CNTN4: variants seen among roughly 807,000 people sequenced by gnomAD.
CNTN4 encodes contactin-4.
CNTN4 carries 77 observed loss-of-function variants against 122.5 expected under a neutral mutation model. That is an observed-to-expected ratio of 0.63 (90% CI 0.52 to 0.76). The LOEUF is 0.76. Among genes scored for constraint, CNTN4 ranks in the 30% least tolerant of loss-of-function variants. The probability of loss-of-function intolerance (pLI) is 0.00; values close to 1 mark genes in which losing one functional copy is unlikely to be tolerated. For missense variants in CNTN4, 1,256 were observed against 1,259.1 expected (o/e 1.00, Z 0.04); for synonymous variants, 512 against 447.0 (o/e 1.15, Z -1.83).
intron 6 of CNTN4, among the ~76,000 whole-genome samples, chr3:2,816,016 C>T (rs780938274): frequency 6.6e-6 from 1 of 151,878 alleles, no homozygotes; most frequent in Non-Finnish European, 1.5e-5. Flanking sequence ...CGTATGTTCT[C>T]ACTGATATGT....
intron 2 of CNTN4, chr3:2,262,304 C>A (rs1339616014): frequency 6.6e-6 from 1 of 152,100 alleles, no homozygotes; most frequent in Non-Finnish European, 1.5e-5. Flanking sequence ...GAAAGCATTT[C>A]TTCCTTTCTT....
intron 2 of CNTN4, among the ~76,000 whole-genome samples, chr3:2,195,230 A>G (rs554128124): frequency 1.3e-5 from 2 of 152,336 alleles, no homozygotes; most frequent in Admixed American, 6.5e-5. Context: ...AGATTTATCC[A>G]TGTTGTCAGA....
chr3:2,673,041 G>A (rs1234865965), intron 4 of CNTN4, among the ~76,000 whole-genome samples: 2 of 152,142 alleles, frequency 1.3e-5, no homozygotes, highest in Non-Finnish European at 1.5e-5. Context: ...TTTTGTACTT[G>A]TCTAATGGCA....
Position 3,057,678 on chromosome 3 carries a change from T to A in CNTN4, c.*1458T>A, listed in dbSNP as rs10888. The A allele has an allele frequency of 0.4, 61,319 of 152,372 alleles. 12,277 individuals carry two copies. Among genetic ancestry groups the A allele is most frequent in the East Asian group, 0.44 (2,286 of 5,164 alleles). 9.4% of individuals were successfully genotyped at this position (152,372 alleles called of 1,614,324 possible). On this transcript the variant is annotated 3_prime_UTR_variant, in exon 25 of 25. Coordinates refer to ENST00000418658, the MANE Select transcript of CNTN4 (RefSeq NM_175607.3). Reference sequence around the variant, plus strand: ...TTCTAGTTATATTTATCCAATAAAGTCATAATCGGGATTCCATTTGTGTAA... The same window carrying A: ...TTCTAGTTATATTTATCCAATAAAGACATAATCGGGATTCCATTTGTGTAA...
intron 3 of CNTN4, among the ~76,000 whole-genome samples, chr3:2,564,539 G>A (rs983655952): frequency 1.3e-5 from 2 of 152,056 alleles, no homozygotes; most frequent in Non-Finnish European, 2.9e-5. Flanking sequence ...TCTTCTTATA[G>A]AATAATGTAA....
intron 2 of CNTN4, among the ~76,000 whole-genome samples, chr3:2,138,982 T>C (rs966779120): frequency 3.9e-5 from 6 of 152,202 alleles, no homozygotes; most frequent in African/African-American, 1.4e-4. Flanking sequence ...TATGGTTTTA[T>C]GGGGAGTGGA....
At chr3:2,767,680 CA>C (rs2090922481) in intron 6 of CNTN4, among the ~76,000 whole-genome samples, 2 of 152,158 alleles carry the variant, frequency 1.3e-5, no homozygotes, top group African/African-American at 4.8e-5. Flanking sequence ...AAACTAATCC[CA>C]AACAGTGAAT....
At chr3:2,933,314 C>T (rs768109500) in intron 13 of CNTN4, among the ~76,000 whole-genome samples, 4 of 152,166 alleles carry the variant, frequency 2.6e-5, no homozygotes, top group South Asian at 2.1e-4. Flanking sequence ...TGAGATTCAA[C>T]GGAATTTGGT....
rs1048653319 is a variant in CNTN4 at position 2,665,049 on chromosome 3, C to T, written c.56-71166C>T. Among the ~76,000 whole-genome samples, 5 of 152,252 alleles carry T rather than the reference C, an allele frequency of 3.3e-5. No homozygotes were observed. The South Asian group carries it at 1.0e-3, about 32-fold the overall frequency. Reference sequence around the variant, plus strand: ...CAAAACAAGGGCTCTCTCCGGGACACCTAGTTGTATTTCATCTCTAGGGAT... The same window carrying T: ...CAAAACAAGGGCTCTCTCCGGGACATCTAGTTGTATTTCATCTCTAGGGAT... On this transcript the variant is annotated intron_variant, in intron 4 of 24. Coordinates refer to ENST00000418658, the MANE Select transcript of CNTN4 (RefSeq NM_175607.3).
chr3:2,755,089 G>A (rs929890650), intron 6 of CNTN4, among the ~76,000 whole-genome samples: 1 of 152,044 alleles, frequency 6.6e-6, no homozygotes, highest in Admixed American at 6.6e-5. Context: ...CCTGATTTTT[G>A]AGCCCAGATC....
At chr3:2,119,090 G>C (rs1397643997) in intron 2 of CNTN4, among the ~76,000 whole-genome samples, 1 of 152,164 alleles carries the variant, frequency 6.6e-6, no homozygotes. Context: ...CCATAATGTG[G>C]TGGGCCACAT....
At chr3:2,975,537 A>G (rs1029960953) in intron 13 of CNTN4, among the ~76,000 whole-genome samples, 2 of 152,244 alleles carry the variant, frequency 1.3e-5, no homozygotes, top group Non-Finnish European at 2.9e-5. Flanking sequence ...GGATGTTGTA[A>G]GTGCTTAATA....
Position 2,900,780 on chromosome 3 carries a change from A to C in CNTN4, c.1036A>C (p.Thr346Pro). ...ECKANGRPKP[T>P]YKWLKNGEPL... ...TAAAGCAAATGGAAGGCCTAAGCCT[A>C]CATACAAGTGGCTAAAAAATGGCGA... is the stretch of plus-strand genomic sequence containing the variant. The change falls in exon 11 of 25, where the codon ACA becomes CCA. Residue 346 changes from threonine (T) to proline (P), a missense_variant. Thr to Pro is a conservative substitution (Grantham distance 38). Coordinates refer to ENST00000418658, the MANE Select transcript of CNTN4 (RefSeq NM_175607.3). 6.2e-7 allele frequency: 1 copy of C among 1,613,996 alleles called. No individual in the cohort carries two copies. The highest frequency in any genetic ancestry group is 8.5e-7 in the Non-Finnish European group (1 of 1,179,834).
At chr3:2,132,965 G>C (rs1398069740) in intron 2 of CNTN4, among the ~76,000 whole-genome samples, 1 of 152,182 alleles carries the variant, frequency 6.6e-6, no homozygotes, top group Non-Finnish European at 1.5e-5. Flanking sequence ...ATGTCAAAGA[G>C]AAGTTGGTTC....
chr3:2,245,122 A>T (rs988486088), intron 2 of CNTN4, among the ~76,000 whole-genome samples: 2 of 152,076 alleles, frequency 1.3e-5, no homozygotes, highest in African/African-American at 4.8e-5. Context: ...TGTTTCAAAC[A>T]GAATTGTTCC....
intron 2 of CNTN4, among the ~76,000 whole-genome samples, chr3:2,311,731 G>A (rs1017340090): frequency 6.6e-6 from 1 of 152,024 alleles, no homozygotes; most frequent in Admixed American, 6.6e-5. Context: ...TCAAGGAAAG[G>A]CTTATGCACA....
intron 3 of CNTN4, among the ~76,000 whole-genome samples, chr3:2,544,262 C>A (rs1313034496): frequency 2.6e-5 from 4 of 152,076 alleles, no homozygotes; most frequent in African/African-American, 9.7e-5. Flanking sequence ...TGGAGACACG[C>A]TCCTCAGTGC....
chr3:2,544,166 A>G (rs577373501), intron 3 of CNTN4, among the ~76,000 whole-genome samples: 12 of 152,276 alleles, frequency 7.9e-5, no homozygotes, highest in Non-Finnish European at 1.0e-4. Context: ...CCACGTGCCA[A>G]TATTCATGAT....
At chr3:2,574,689 G>A (rs1353528620) in intron 4 of CNTN4, among the ~76,000 whole-genome samples, 1 of 152,064 alleles carries the variant, frequency 6.6e-6, no homozygotes, top group East Asian at 1.9e-4. Context: ...AAAAAAGCAA[G>A]GAAGCTAACA....
Sources: allele counts gnomAD v4.1 joint callset (sites outside exome capture counted in the v4.1 genomes callset), GRCh38; gene constraint gnomAD v4.1.1; transcripts MANE v1.5; gene names NCBI Gene and HGNC (gene_info 2026-07-23, HGNC 2026-07-21).